OGFOD1: variants seen among roughly 807,000 people sequenced by gnomAD.
OGFOD1 encodes the protein 2-oxoglutarate and iron dependent oxygenase domain containing 1, also known as prolyl 3-hydroxylase OGFOD1.
In OGFOD1, 54 loss-of-function variants were observed where a neutral mutation model predicts 67.7. That is an observed-to-expected ratio of 0.80 (90% CI 0.64 to 1.00). The LOEUF (loss-of-function observed/expected upper bound fraction) is 1.00, where lower values mean the gene tolerates loss of function less well. Among genes scored for constraint, OGFOD1 ranks in the 50% least tolerant of loss-of-function variants. The pLI is 0.00. For synonymous variants in OGFOD1, 221 were observed against 227.0 expected (o/e 0.97, Z 0.24); for missense variants, 606 against 646.7 (o/e 0.94, Z 0.68).
intron 7 of OGFOD1, 54 bp downstream of exon 7, chr16:56,467,347 T>C (rs1962947725): frequency 6.3e-7 from 1 of 1,589,194 alleles, no homozygotes; most frequent in South Asian, 1.1e-5. Context: ...ATCATTTGTT[T>C]CTCTGATTTT....
chr16:56,470,038 G>A lies in OGFOD1; in HGVS notation c.936G>A (p.Glu312=), dbSNP rs1025498985. The A allele has an allele frequency of 1.2e-6, 2 of 1,614,040 alleles. No homozygotes were observed. Among genetic ancestry groups the A allele is most frequent in the South Asian group, 1.1e-5 (1 of 91,072 alleles). The part of the protein sequence containing the change: ...EKFTKVCEAL[E]HGHVEWSSRG... The stretch of plus-strand genomic sequence containing the variant: ...TCACGAAAGTCTGTGAGGCCTTGGA[G>A]CATGGACATGTGGAATGGAGCAGCC... The change falls in exon 9 of 13, where the codon GAG becomes GAA. Residue 312 remains glutamate, a synonymous_variant. Coordinates refer to ENST00000566157, the MANE Select transcript of OGFOD1 (RefSeq NM_018233.4).
At chr16:56,466,475 C>T (rs1221914230) in intron 5 of OGFOD1, among the ~76,000 whole-genome samples, 1 of 152,136 alleles carries the variant, frequency 6.6e-6, no homozygotes, top group Non-Finnish European at 1.5e-5. Context: ...CTCCAGAGAT[C>T]AATTAGAATC....
chr16:56,451,532 A>AG (rs1317175072), upstream of OGFOD1: 2 of 1,494,016 alleles, frequency 1.3e-6, no homozygotes, highest in African/African-American at 1.4e-5. Flanking sequence ...AACACGATAA[A>AG]GGGGACATGC....
chr16:56,462,492 C>T, intron 3 of OGFOD1, 42 bp from the exon 4 acceptor site: 1 of 1,278,226 alleles, frequency 7.8e-7, no homozygotes, highest in Non-Finnish European at 1.1e-6. Context: ...ACCTAGATCC[C>T]ACACTGTGGC....
Position 56,451,722 on chromosome 16 carries a change from A to G in OGFOD1, c.110A>G (p.Lys37Arg), listed in dbSNP as rs1411100438. Residue 37 changes from lysine to arginine, a missense_variant, in exon 1 of 13, where the codon AAG becomes AGG. Lys to Arg is a conservative substitution (Grantham distance 26). Transcript: ENST00000566157. ...SDAVTEETLK[K>R]QVAEAWSRRT... is the part of the protein sequence containing the mutation. ...GCTGTTACGGAAGAAACCTTGAAAA[A>G]GCAGGTGGCTGAGGCCTGGAGCCGC... 9 of 1,613,738 alleles carry G rather than the reference A, an allele frequency of 5.6e-6. No individual in the cohort carries two copies. Among genetic ancestry groups the G allele is most frequent in the Non-Finnish European group, 7.6e-6 (9 of 1,179,990 alleles).
At chr16:56,460,114 CT>C (rs1223147708) in intron 3 of OGFOD1, among the ~76,000 whole-genome samples, 1 of 152,080 alleles carries the variant, frequency 6.6e-6, no homozygotes, top group South Asian at 2.1e-4. Flanking sequence ...TTTACTTAGA[CT>C]TTTTTCCCCC....
intron 4 of OGFOD1, among the ~76,000 whole-genome samples, chr16:56,463,218 GTT>G (rs375745021): frequency 8.8e-4 from 134 of 151,972 alleles, no homozygotes; most frequent in Middle Eastern, 3.4e-3. Flanking sequence ...GAAGGAAAAG[GTT>G]TTTTCTTTTT....
chr16:56,468,605 A>G (rs1963003007), intron 8 of OGFOD1, among the ~76,000 whole-genome samples: 1 of 152,186 alleles, frequency 6.6e-6, no homozygotes, highest in Non-Finnish European at 1.5e-5. Flanking sequence ...ATGCACCTGT[A>G]ATCCCAGCTA....
chr16:56,468,577 T>G (rs1963000821), intron 8 of OGFOD1, among the ~76,000 whole-genome samples: 1 of 151,986 alleles, frequency 6.6e-6, no homozygotes, highest in South Asian at 2.1e-4. Flanking sequence ...ATAACAAAAA[T>G]TAGCCGGGCA....
chr16:56,479,017 C>A lies in OGFOD1; in HGVS notation c.*2812C>A, dbSNP rs1216964715. 6.6e-6 allele frequency: 1 copy of A among 152,242 alleles called. No individual in the cohort carries two copies. Among genetic ancestry groups the A allele is most frequent in the Non-Finnish European group, 1.5e-5 (1 of 68,038 alleles). 9.4% of individuals were successfully genotyped at this position (152,242 alleles called of 1,614,324 possible). ...TTTTAGGGCCTGGGGCCAATGTCAA[C>A]AACTCTTAGGTAGCAAAAGAAGAAT... On this transcript the variant is annotated 3_prime_UTR_variant, in exon 13 of 13. Coordinates refer to ENST00000566157, the MANE Select transcript of OGFOD1 (RefSeq NM_018233.4).
intron 5 of OGFOD1, 67 bp downstream of exon 5, chr16:56,466,335 C>A: frequency 2.0e-6 from 2 of 981,298 alleles, no homozygotes; most frequent in Non-Finnish European, 3.3e-6. Context: ...TGAGTTGATT[C>A]AGTATCATGT....
rs1963546174 is a variant in OGFOD1, at chr16:56,477,812, A to C, written c.*1607A>C. 6.6e-6 allele frequency: 1 copy of C among 152,160 alleles called. No individual in the cohort carries two copies. The highest frequency in any genetic ancestry group is 1.5e-5 in the Non-Finnish European group (1 of 68,028). The allele number at this position is 152,160 out of a possible 1,614,324, so 9.4% of individuals were successfully genotyped here. ...TTAATAGAAAAAGCACTGGGCCTTT[A>C]AACTTCTTAACTACTCTTCTCTTTC... On this transcript the variant is annotated 3_prime_UTR_variant, in exon 13 of 13. Coordinates refer to ENST00000566157, the MANE Select transcript of OGFOD1 (RefSeq NM_018233.4).
At chr16:56,457,797 A>C (rs1292221342) in intron 2 of OGFOD1, among the ~76,000 whole-genome samples, 1 of 152,032 alleles carries the variant, frequency 6.6e-6, no homozygotes, top group Non-Finnish European at 1.5e-5. Flanking sequence ...CTCCTGCCTC[A>C]GCCTCCCGAG....
chr16:56,475,866 TG>T (rs1426854902), intron 12 of OGFOD1, among the ~76,000 whole-genome samples, 177 bp from the exon 13 acceptor site: 6 of 152,338 alleles, frequency 3.9e-5, no homozygotes, highest in East Asian at 1.9e-4. Context: ...AGGTATATGC[TG>T]GAATAGGGCT....
At chr16:56,461,055 T>C (rs965092181) in intron 3 of OGFOD1, among the ~76,000 whole-genome samples, 7 of 152,224 alleles carry the variant, frequency 4.6e-5, no homozygotes, top group Admixed American at 6.5e-5. Flanking sequence ...AATTCAACAC[T>C]CATCATTATT....
chr16:56,473,083 A>G (rs1963278288), intron 10 of OGFOD1, among the ~76,000 whole-genome samples: 1 of 152,116 alleles, frequency 6.6e-6, no homozygotes, highest in Admixed American at 6.5e-5. Context: ...GGCGCATGCC[A>G]CCACGCCCGG....
At chr16:56,466,365 ACTC>A (rs1390511642) in intron 5 of OGFOD1, 97 bp downstream of exon 5, 1 of 755,722 alleles carries the variant, frequency 1.3e-6, no homozygotes, top group Non-Finnish European at 2.3e-6. Flanking sequence ...CAATGTCTGT[ACTC>A]CTCAAAGGAA....
At chr16:56,465,889 C>G (rs1962875772) in intron 4 of OGFOD1, 1 of 302,734 alleles carries the variant, frequency 3.3e-6, no homozygotes, top group Admixed American at 4.7e-5. Context: ...AGGAAAAATA[C>G]TGGAAGATGA....
intron 8 of OGFOD1, among the ~76,000 whole-genome samples, chr16:56,468,617 T>A (rs1170666115): frequency 6.6e-6 from 1 of 151,688 alleles, no homozygotes; most frequent in Non-Finnish European, 1.5e-5. Flanking sequence ...TCCCAGCTAC[T>A]CAGGAGGCTG....
Sources: allele counts gnomAD v4.1 joint callset (sites outside exome capture counted in the v4.1 genomes callset), GRCh38; gene constraint gnomAD v4.1.1; transcripts MANE v1.5; gene names NCBI Gene and HGNC (gene_info 2026-07-23, HGNC 2026-07-21).